The following UAP1 variants were observed in gnomAD, a reference collection of about 807,000 sequenced individuals.
UAP1 encodes UDP-N-acetylhexosamine pyrophosphorylase.
UAP1 carries 25 observed loss-of-function variants against 58.5 expected under a neutral mutation model. The ratio of observed to expected loss-of-function variants is 0.43; its 90% CI spans 0.31 to 0.60. The LOEUF is 0.60. Ranked by LOEUF, UAP1 falls within the 20% of genes least tolerant of loss-of-function variation. The pLI, the probability that UAP1 is intolerant of heterozygous loss-of-function variation, is 0.11. For synonymous variants in UAP1, 208 were observed against 213.0 expected (o/e 0.98, Z 0.21); for missense variants, 575 against 630.0 (o/e 0.91, Z 0.93).
rs138292304 is a variant in UAP1, at chr1:162,591,905, C to A, written c.1359-827C>A. Among the ~76,000 whole-genome samples, 139 of 152,272 alleles carry A rather than the reference C, an allele frequency of 9.1e-4. 1 individual carries two copies. Among genetic ancestry groups the A allele is most frequent in the African/African-American group, 3.2e-3 (134 of 41,564 alleles). On this transcript the variant is annotated intron_variant, in intron 8 of 10. Transcript: ENST00000271469. ...GCTTAAACAATACACCCGCCTTGGC[C>A]ACCCAAAGTGCTGGGATTACAGGTG...
exon 2 of UAP1, chr1:162,566,116 G>A (rs764471808): frequency 6.2e-7 from 1 of 1,612,904 alleles, no homozygotes; most frequent in Non-Finnish European, 8.5e-7. Flanking sequence ...CTGGGCAAGA[G>A]CACCTACTAC....
chr1:162,561,912 C>T (rs1189574445), intron 1 of UAP1, 135 bp downstream of exon 1: 1 of 152,578 alleles, frequency 6.6e-6, no homozygotes, highest in Non-Finnish European at 1.5e-5. Context: ...GCGCGGGCAG[C>T]CGAGCACACG....
intron 2 of UAP1, among the ~76,000 whole-genome samples, chr1:162,574,046 A>G (rs1228032197): frequency 6.6e-6 from 1 of 151,628 alleles, no homozygotes; most frequent in African/African-American, 2.4e-5. Context: ...AAATAGAGTC[A>G]GAACTGGCTC....
Position 162,585,310 on chromosome 1 carries a change from C to T in UAP1, c.835-2165C>T, listed in dbSNP as rs577783214. Among the ~76,000 whole-genome samples the T allele has an allele frequency of 5.3e-5, 8 of 151,694 alleles. No individual in the cohort carries two copies. The South Asian group carries it at 6.3e-4, about 12-fold the overall frequency. ...CTTTCTCTTGTTGCCCCAGCTGGAG[C>T]GCAATGGCGCAATCTTGGCTCACTG... On this transcript the variant is annotated intron_variant, in intron 5 of 10. Coordinates refer to ENST00000271469, the Ensembl canonical transcript of UAP1.
chr1:162,585,121 C>T (rs1036018623), intron 5 of UAP1, among the ~76,000 whole-genome samples: 4 of 151,992 alleles, frequency 2.6e-5, no homozygotes, highest in African/African-American at 4.8e-5. Context: ...AACTCCTGAC[C>T]TCAAGTGATC....
At position 162,593,747 on chromosome 1, in the gene UAP1, C is replaced by CA. The variant is rs112272095; in HGVS notation, c.1409+979dup. ...TTGGTGACAGAGCAAGACTCCATCT[C>CA]AAAAAAAAAAAAAAGAAAGAAAGAA... On this transcript the variant is annotated intron_variant, in intron 9 of 10. Coordinates refer to ENST00000271469, the Ensembl canonical transcript of UAP1. 3.9e-3 allele frequency: 399 copies of CA among 102,260 alleles called. 1 individual carries two copies. The highest frequency in any genetic ancestry group is 0.016 in the Middle Eastern group (3 of 184). 6.3% of individuals were successfully genotyped at this position (102,260 alleles called of 1,614,324 possible).
rs1230956487 is a variant in UAP1 at position 162,595,954 on chromosome 1, C to T, written c.1410-1838C>T. Among the ~76,000 whole-genome samples the T allele has an allele frequency of 5.9e-5, 9 of 152,142 alleles. No individual in the cohort carries two copies. In the South Asian group the frequency reaches 6.2e-4, roughly 11 times the overall value. On this transcript the variant is annotated intron_variant, in intron 9 of 10. Transcript: ENST00000271469. ...GCAACCTTCACCTCCTGGGCTCAAG[C>T]GATTCTCCTGCCTCAGCCTCCTGAG...
At chr1:162,597,542 C>A in intron 9 of UAP1, 2 of 435,202 alleles carry the variant, frequency 4.6e-6, no homozygotes, top group African/African-American at 2.0e-5. Flanking sequence ...TGTGTAAAAA[C>A]TAGTGAAGTG....
chr1:162,587,426 GAAACATTTAAT>G, intron 5 of UAP1, 38 bp from the exon 6 acceptor site: 1 of 1,507,526 alleles, frequency 6.6e-7, no homozygotes, highest in Non-Finnish European at 9.0e-7. Context: ...AATCTCCAAA[GAAACATTTAAT>G]TCAATTTCCT....
intron 2 of UAP1, among the ~76,000 whole-genome samples, chr1:162,568,134 A>G (rs947037668): frequency 1.3e-5 from 2 of 152,170 alleles, no homozygotes; most frequent in African/African-American, 4.8e-5. Flanking sequence ...GATGTGTAGT[A>G]ATACTATACA....
intron 8 of UAP1, among the ~76,000 whole-genome samples, chr1:162,592,434 C>G (rs889179646): frequency 1.3e-5 from 2 of 152,096 alleles, no homozygotes; most frequent in Admixed American, 1.3e-4. Context: ...TTGGAATTTA[C>G]TGGTACATAA....
chr1:162,576,760 A>G lies in UAP1; in HGVS notation c.281-17A>G, dbSNP rs774952187. 6.2e-7 allele frequency: 1 copy of G among 1,609,726 alleles called. No individual in the cohort carries two copies. The highest frequency in any genetic ancestry group is 1.7e-5 in the Admixed American group (1 of 59,618). On this transcript the variant is annotated splice_polypyrimidine_tract_variant and intron_variant, in intron 2 of 10. Transcript: ENST00000271469. Reference sequence around the variant, plus strand: ...TGAATTGTAGAGGTTTTGTGATACAAGTGTTTTCTTTTCTAGGACTTTTCC... The same window carrying G: ...TGAATTGTAGAGGTTTTGTGATACAGGTGTTTTCTTTTCTAGGACTTTTCC...
At chr1:162,595,117 G>T (rs1019875347) in intron 9 of UAP1, among the ~76,000 whole-genome samples, 1 of 152,218 alleles carries the variant, frequency 6.6e-6, no homozygotes, top group Non-Finnish European at 1.5e-5. Context: ...CTAAAGAATT[G>T]TGGGGCAGTA....
At chr1:162,567,011 C>T (rs941312580) in intron 2 of UAP1, among the ~76,000 whole-genome samples, 2 of 152,158 alleles carry the variant, frequency 1.3e-5, no homozygotes, top group African/African-American at 4.8e-5. Flanking sequence ...AAATAATTCA[C>T]CTTTCCCTGA....
intron 9 of UAP1, among the ~76,000 whole-genome samples, chr1:162,595,432 C>G (rs959773950): frequency 6.6e-6 from 1 of 152,026 alleles, no homozygotes; most frequent in Admixed American, 6.6e-5. Context: ...GGCATGCCTA[C>G]TCAAGATTCA....
intron 10 of UAP1, 101 bp from the exon 11 acceptor site, chr1:162,599,170 C>A: frequency 1.5e-6 from 1 of 649,108 alleles, no homozygotes; most frequent in Non-Finnish European, 2.6e-6. Context: ...GCATCTCAAC[C>A]TTTTTTGGCA....
intron 8 of UAP1, 99 bp from the exon 9 acceptor site, chr1:162,592,633 A>G (rs1272405722): frequency 1.1e-6 from 1 of 912,082 alleles, no homozygotes; most frequent in Non-Finnish European, 1.7e-6. Flanking sequence ...GATTTACCAT[A>G]AATACATACC....
chr1:162,589,183 T>A (rs562018713), intron 7 of UAP1, among the ~76,000 whole-genome samples: 20 of 90,772 alleles, frequency 2.2e-4, no homozygotes, highest in Admixed American at 3.8e-4. Flanking sequence ...ATATTATATA[T>A]AATATATATT....
In UAP1 at chr1:162,571,108, T is replaced by C. The variant is rs1375801967; in HGVS notation, c.280+4760T>C. On this transcript the variant is annotated intron_variant, in intron 2 of 10. Coordinates refer to ENST00000271469, the Ensembl canonical transcript of UAP1. ...TCTGGCTTTCTTTTTTTTTTTTTTT[T>C]TCTAACTTCTGATTTTTTTGTTTGT... 2.6e-5 allele frequency among the ~76,000 whole-genome samples: 4 copies of C among 151,914 alleles called. No homozygotes were observed. In the South Asian group the frequency reaches 8.3e-4, roughly 32 times the overall value.
Sources: gnomAD v4.1 joint callset for allele counts (sites outside exome capture counted in the v4.1 genomes callset) on GRCh38, gnomAD v4.1.1 for gene constraint, MANE v1.5 for transcripts, NCBI Gene and HGNC (gene_info 2026-07-23, HGNC 2026-07-21) for gene names.